Variants in PKP4 observed in about 807,000 individuals in gnomAD.
PKP4 encodes the protein plakophilin-4.
A neutral mutation model predicts 145.1 loss-of-function variants in PKP4; 90 were observed. The observed-to-expected ratio is 0.62, with a 90% confidence interval of 0.52 to 0.74. The LOEUF is 0.74. PKP4 is among the 30% of genes least tolerant of loss of function. The pLI, the probability that PKP4 is intolerant of heterozygous loss-of-function variation, is 0.00. For missense variants in PKP4, 1,340 were observed against 1,482.7 expected (o/e 0.90, Z 1.58); for synonymous variants, 563 against 577.2 (o/e 0.98, Z 0.35).
intron 4 of PKP4, among the ~76,000 whole-genome samples, chr2:158,616,862 A>G (rs2051676258): frequency 1.3e-5 from 2 of 152,318 alleles, no homozygotes; most frequent in Admixed American, 6.5e-5. Flanking sequence ...AAGCAGAACC[A>G]TTTTAATAAT....
intron 1 of PKP4, among the ~76,000 whole-genome samples, chr2:158,485,722 A>G (rs1425559361): frequency 1.3e-5 from 2 of 152,188 alleles, no homozygotes; most frequent in Non-Finnish European, 2.9e-5. Flanking sequence ...TGATACTGAA[A>G]TTTCTGTATG....
At chr2:158,511,246 C>T (rs1157774623) in intron 1 of PKP4, among the ~76,000 whole-genome samples, 2 of 152,086 alleles carry the variant, frequency 1.3e-5, no homozygotes, top group Non-Finnish European at 2.9e-5. Context: ...ATTAGCTGGG[C>T]GTGGTGGCAC....
chr2:158,621,991 T>C (rs2052309687), intron 6 of PKP4, among the ~76,000 whole-genome samples: 2 of 152,158 alleles, frequency 1.3e-5, no homozygotes, highest in Non-Finnish European at 2.9e-5. Flanking sequence ...AAGTTTGGCA[T>C]GAGGAGAAGA....
intron 4 of PKP4, among the ~76,000 whole-genome samples, chr2:158,608,860 C>T (rs1305950741): frequency 8.1e-6 from 1 of 122,806 alleles, no homozygotes; most frequent in African/African-American, 3.1e-5. Flanking sequence ...GTTGCCATAG[C>T]CGAAGTTCGG....
At chr2:158,629,063 A>G (rs1029087478) in intron 7 of PKP4, among the ~76,000 whole-genome samples, 4 of 152,266 alleles carry the variant, frequency 2.6e-5, no homozygotes, top group African/African-American at 7.2e-5. Flanking sequence ...CATGGGCTCC[A>G]TAAAGAAATA....
At chr2:158,608,047 A>C (rs1409110246) in intron 4 of PKP4, among the ~76,000 whole-genome samples, 1 of 152,248 alleles carries the variant, frequency 6.6e-6, no homozygotes, top group Admixed American at 6.5e-5. Flanking sequence ...TCAAAATAAC[A>C]AAAGTATGAT....
chr2:158,558,925 G>A (rs745754756), intron 2 of PKP4, among the ~76,000 whole-genome samples: 4 of 152,118 alleles, frequency 2.6e-5, no homozygotes, highest in East Asian at 1.9e-4. Flanking sequence ...TGGAAACCAC[G>A]GTGCCTCCTG....
chr2:158,575,491 A>G (rs112790333), intron 2 of PKP4, among the ~76,000 whole-genome samples: 1,795 of 152,248 alleles, frequency 0.012, 39 homozygotes, highest in African/African-American at 0.04. Context: ...ATTCCTGTAC[A>G]ATGGAATTTG....
intron 1 of PKP4, among the ~76,000 whole-genome samples, chr2:158,514,662 C>T (rs755979763): frequency 1.3e-5 from 2 of 152,110 alleles, no homozygotes; most frequent in Non-Finnish European, 2.9e-5. Context: ...CAAATTAGCC[C>T]GGGTGTGGTG....
At chr2:158,458,560 CAG>C (rs1035880682) in intron 1 of PKP4, among the ~76,000 whole-genome samples, 3 of 152,194 alleles carry the variant, frequency 2.0e-5, no homozygotes, top group Non-Finnish European at 2.9e-5. Flanking sequence ...CCAGCAGAAA[CAG>C]GGGGCCTGAA....
chr2:158,489,645 T>C (rs1285199958), intron 1 of PKP4, among the ~76,000 whole-genome samples: 1 of 152,250 alleles, frequency 6.6e-6, no homozygotes, highest in Non-Finnish European at 1.5e-5. Context: ...TTATTAACCC[T>C]TTCTTTTCAG....
intron 1 of PKP4, among the ~76,000 whole-genome samples, chr2:158,530,451 A>C (rs776712731): frequency 1.3e-5 from 2 of 150,940 alleles, no homozygotes; most frequent in Non-Finnish European, 2.9e-5. Context: ...CACTGAGGGA[A>C]GCGTGAGGCC....
chr2:158,475,734 G>C (rs1337774981), intron 1 of PKP4, among the ~76,000 whole-genome samples: 1 of 152,152 alleles, frequency 6.6e-6, no homozygotes, highest in African/African-American at 2.4e-5. Flanking sequence ...GTGGAAGTAA[G>C]ACCCATTTGT....
chr2:158,520,381 A>T (rs559421199), intron 1 of PKP4, among the ~76,000 whole-genome samples: 1 of 152,240 alleles, frequency 6.6e-6, no homozygotes, highest in Non-Finnish European at 1.5e-5. Flanking sequence ...GCATTTATAC[A>T]TCGTAAAATT....
chr2:158,558,515 A>G (rs1313502178), intron 2 of PKP4, among the ~76,000 whole-genome samples: 1 of 152,194 alleles, frequency 6.6e-6, no homozygotes, highest in Non-Finnish European at 1.5e-5. Flanking sequence ...GTCAGGGTAG[A>G]TAGATGGAGA....
chr2:158,658,122 C>CT lies in PKP4; in HGVS notation c.1910-3dup. On this transcript the variant is annotated splice_polypyrimidine_tract_variant and intron_variant, in intron 11 of 21. Coordinates refer to ENST00000389759, the MANE Select transcript of PKP4 (RefSeq NM_003628.6). Reference sequence around the variant, plus strand: ...CTATTTGTTTGATTTTTTAAATCTCCTTTTTTAGGAGTTCTTTGGAATTTA... The same window carrying CT: ...CTATTTGTTTGATTTTTTAAATCTCCTTTTTTTAGGAGTTCTTTGGAATTTA... 2 of 1,528,562 alleles carry CT rather than the reference C, an allele frequency of 1.3e-6. No homozygotes were observed. Among genetic ancestry groups the CT allele is most frequent in the Non-Finnish European group, 1.8e-6 (2 of 1,112,730 alleles). 94.7% of individuals were successfully genotyped at this position (1,528,562 alleles called of 1,614,324 possible).
chr2:158,667,740 G>A (rs1006745610), intron 16 of PKP4, among the ~76,000 whole-genome samples: 7 of 152,218 alleles, frequency 4.6e-5, no homozygotes, highest in Admixed American at 2.6e-4. Flanking sequence ...ATCCCCCTAC[G>A]GAGAGGAAAG....
intron 4 of PKP4, among the ~76,000 whole-genome samples, chr2:158,611,493 A>C (rs549840261): frequency 1.3e-5 from 2 of 152,234 alleles, no homozygotes; most frequent in East Asian, 1.9e-4. Flanking sequence ...ATAAATGACA[A>C]ATGAGAAAGT....
chr2:158,511,956 A>G (rs1448180188), intron 1 of PKP4, among the ~76,000 whole-genome samples: 1 of 152,202 alleles, frequency 6.6e-6, no homozygotes, highest in Non-Finnish European at 1.5e-5. Context: ...CAAGAATGGT[A>G]TGGCATGAGT....
Sources: gnomAD v4.1 joint callset for allele counts (sites outside exome capture counted in the v4.1 genomes callset) on GRCh38, gnomAD v4.1.1 for gene constraint, MANE v1.5 for transcripts, NCBI Gene and HGNC (gene_info 2026-07-23, HGNC 2026-07-21) for gene names.